Variants in POU2AF2 observed in about 807,000 individuals in gnomAD.
POU2AF2 encodes POU domain class 2-associating factor 2.
chr11:111,255,119 C>T, the POU2AF2 span, among the ~76,000 whole-genome samples: 1 of 152,184 alleles, frequency 6.6e-6, no homozygotes, highest in Non-Finnish European at 1.5e-5. Context: ...AAACGTTTTA[C>T]TCTATAGTCT....
the POU2AF2 span, among the ~76,000 whole-genome samples, chr11:111,260,976 ATC>A: frequency 6.2e-4 from 94 of 152,350 alleles, 1 homozygote; most frequent in South Asian, 0.019. Flanking sequence ...CCTCATGAAC[ATC>A]TGTTTTTGAT....
chr11:111,266,536 T>G, the POU2AF2 span, among the ~76,000 whole-genome samples: 1 of 152,220 alleles, frequency 6.6e-6, no homozygotes, highest in African/African-American at 2.4e-5. Flanking sequence ...AAAGTTCTGA[T>G]GCTAACGTTA....
chr11:111,273,776 C>A, the POU2AF2 span, among the ~76,000 whole-genome samples: 1 of 152,064 alleles, frequency 6.6e-6, no homozygotes, highest in Non-Finnish European at 1.5e-5. Flanking sequence ...CCTTGGTGAC[C>A]TATTAGTTCA....
the POU2AF2 span, among the ~76,000 whole-genome samples, chr11:111,261,665 A>T: frequency 6.6e-6 from 1 of 152,162 alleles, no homozygotes; most frequent in Non-Finnish European, 1.5e-5. Context: ...GTGTAGGGGA[A>T]GCTAAGATTG....
At chr11:111,263,749 A>G in the POU2AF2 span, among the ~76,000 whole-genome samples, 1 of 151,990 alleles carries the variant, frequency 6.6e-6, no homozygotes, top group Non-Finnish European at 1.5e-5. Context: ...ATATTCTAAG[A>G]CATAGAAAAC....
At chr11:111,264,559 A>C in the POU2AF2 span, among the ~76,000 whole-genome samples, 4 of 67,326 alleles carry the variant, frequency 5.9e-5, no homozygotes, top group Admixed American at 1.9e-4. Context: ...AAAGAAAGAA[A>C]GAAAGAAAGA....
the POU2AF2 span, among the ~76,000 whole-genome samples, chr11:111,276,751 A>G: frequency 2.6e-5 from 2 of 76,178 alleles, no homozygotes; most frequent in Non-Finnish European, 6.2e-5. Flanking sequence ...AAGTGCTAAG[A>G]AAAAAAAAAA....
chr11:111,245,885 T>C, the POU2AF2 span: 4 of 398,792 alleles, frequency 1.0e-5, no homozygotes, highest in Admixed American at 1.8e-4. Flanking sequence ...TCAATTATTA[T>C]AATTTAAAAA....
At chr11:111,268,484 TTTATTTTATTTTATTTTA>T in the POU2AF2 span, among the ~76,000 whole-genome samples, 372 of 44,634 alleles carry the variant, frequency 8.3e-3, 15 homozygotes, top group Admixed American at 0.022. Context: ...CTTTTTTTAT[TTTATTTTATTTTATTTTA>T]TTTTATTTTA....
the POU2AF2 span, among the ~76,000 whole-genome samples, chr11:111,270,141 G>T: frequency 6.6e-6 from 1 of 152,114 alleles, no homozygotes; most frequent in Non-Finnish European, 1.5e-5. Flanking sequence ...CATCCCAAAG[G>T]CCACCCCAGT....
chr11:111,246,038 C>T, the POU2AF2 span, among the ~76,000 whole-genome samples: 1 of 152,106 alleles, frequency 6.6e-6, no homozygotes, highest in African/African-American at 2.4e-5. Flanking sequence ...CTCTTGGTAA[C>T]ATTTTCCTAA....
chr11:111,255,835 C>G, the POU2AF2 span: 1 of 393,672 alleles, frequency 2.5e-6, no homozygotes, highest in Admixed American at 4.4e-5. Flanking sequence ...TCTATTGAAG[C>G]TACTCTATCA....
chr11:111,273,018 A>G, the POU2AF2 span, among the ~76,000 whole-genome samples: 1 of 152,214 alleles, frequency 6.6e-6, no homozygotes, highest in Non-Finnish European at 1.5e-5. Context: ...TATTCATTAT[A>G]GAGTATTTTT....
At chr11:111,272,864 G>T in the POU2AF2 span, among the ~76,000 whole-genome samples, 1 of 152,086 alleles carries the variant, frequency 6.6e-6, no homozygotes, top group Non-Finnish European at 1.5e-5. Context: ...TTCCCACCTT[G>T]TGTTTGGTTC....
the POU2AF2 span, chr11:111,286,251 T>A: frequency 1.7e-6 from 1 of 584,420 alleles, no homozygotes; most frequent in Non-Finnish European, 2.8e-6. Flanking sequence ...TAATTAAATG[T>A]GTCAGAGACC....
the POU2AF2 span, among the ~76,000 whole-genome samples, chr11:111,253,379 C>T: frequency 6.6e-6 from 1 of 152,242 alleles, no homozygotes; most frequent in Non-Finnish European, 1.5e-5. Flanking sequence ...CTTTCAATCA[C>T]TCCCCCAAGG....
chr11:111,276,055 A>G, the POU2AF2 span, among the ~76,000 whole-genome samples: 1 of 152,138 alleles, frequency 6.6e-6, no homozygotes, highest in African/African-American at 2.4e-5. Flanking sequence ...ACAGAGTCCC[A>G]GGAGGAGAGA....
chr11:111,250,362 C>G, the POU2AF2 span, among the ~76,000 whole-genome samples: 1 of 152,196 alleles, frequency 6.6e-6, no homozygotes, highest in East Asian at 1.9e-4. Context: ...AGTCATAGTA[C>G]TCTTCTGTCC....
chr11:111,266,981 T>TCTC, the POU2AF2 span, among the ~76,000 whole-genome samples: 7 of 152,176 alleles, frequency 4.6e-5, no homozygotes, highest in Non-Finnish European at 1.0e-4. Context: ...CCCTCCAGAT[T>TCTC]TCCTGTGTGA....
Sources: gnomAD v4.1 joint callset for allele counts (sites outside exome capture counted in the v4.1 genomes callset) on GRCh38, gnomAD v4.1.1 for gene constraint, MANE v1.5 for transcripts, NCBI Gene and HGNC (gene_info 2026-07-23, HGNC 2026-07-21) for gene names.